PINX1: variants seen among roughly 807,000 people sequenced by gnomAD.
PINX1 encodes PIN2 (TERF1) interacting telomerase inhibitor 1.
Under a neutral mutation model 25.4 loss-of-function variants are expected in PINX1, and 34 were observed. The observed-to-expected ratio is 1.34, with a 90% CI of 1.02 to 1.78. The LOEUF is 1.78. Ranked by LOEUF, PINX1 falls within the 40% of genes most tolerant of loss-of-function variation. The pLI is 0.00. For synonymous variants in PINX1, 197 were observed against 147.7 expected (o/e 1.33, Z -2.42); for missense variants, 592 against 404.9 (o/e 1.46, Z -3.97).
At chr8:10,825,662 T>G (rs1037197880) in intron 5 of PINX1, among the ~76,000 whole-genome samples, 2 of 152,164 alleles carry the variant, frequency 1.3e-5, no homozygotes, top group African/African-American at 2.4e-5. Flanking sequence ...GCCTACGCTG[T>G]GAAATGGAGA....
intron 6 of PINX1, among the ~76,000 whole-genome samples, chr8:10,810,163 T>C (rs7836833): frequency 0.37 from 56,393 of 152,016 alleles, 11,135 homozygotes; most frequent in African/African-American, 0.51. Flanking sequence ...TCCCACCAGG[T>C]CACACCTCCG....
chr8:10,799,624 T>A (rs766351528), intron 6 of PINX1, among the ~76,000 whole-genome samples: 3 of 152,176 alleles, frequency 2.0e-5, no homozygotes, highest in Non-Finnish European at 4.4e-5. Context: ...TCAGACCACA[T>A]TGGTGACCAC....
intron 6 of PINX1, among the ~76,000 whole-genome samples, chr8:10,808,939 A>G (rs1724542241): frequency 6.6e-6 from 1 of 152,270 alleles, no homozygotes; most frequent in Non-Finnish European, 1.5e-5. Flanking sequence ...CTGTAGTTAA[A>G]AAATGACTAA....
chr8:10,783,562 C>T (rs1801658359), intron 6 of PINX1, among the ~76,000 whole-genome samples: 1 of 152,218 alleles, frequency 6.6e-6, no homozygotes, highest in Non-Finnish European at 1.5e-5. Context: ...AGCGCTGCAT[C>T]ACATATGCCC....
In PINX1 at chr8:10,820,175, CTG is replaced by C; in HGVS notation, c.471+16_471+17del. The C allele has an allele frequency of 6.6e-7, 1 of 1,516,324 alleles. No homozygotes were observed. The highest frequency in any genetic ancestry group is 1.4e-5 in the African/African-American group (1 of 73,100). 93.9% of individuals were successfully genotyped at this position (1,516,324 alleles called of 1,614,324 possible). A position where few individuals can be genotyped will look rare whatever the true frequency, so the allele number is the denominator to read the frequency against. On this transcript the variant is annotated intron_variant, in intron 6 of 6. Coordinates refer to ENST00000314787, the MANE Select transcript of PINX1 (RefSeq NM_017884.6). ...ACAGTATTAAAGCGGAACACGGAAA[CTG>C]TACGTGGCTTTATACCTCGGGAGTC...
rs551325574 is a variant in PINX1 at position 10,773,494 on chromosome 8, C to T, written c.472-7578G>A. Among the ~76,000 whole-genome samples, 21 of 152,264 alleles carry T rather than the reference C, an allele frequency of 1.4e-4. 1 individual carries two copies. The South Asian group carries it at 3.5e-3, about 26-fold the overall frequency. On this transcript the variant is annotated intron_variant, in intron 6 of 6. Coordinates refer to ENST00000314787, the MANE Select transcript of PINX1 (RefSeq NM_017884.6). ...TTTCTAATATCAGGCATCAGAACTC[C>T]GCTTGGAAGTTACAAACTCAGACAC...
At chr8:10,768,638 C>T (rs987049675) in intron 6 of PINX1, among the ~76,000 whole-genome samples, 39 of 152,234 alleles carry the variant, frequency 2.6e-4, no homozygotes, top group Middle Eastern at 3.4e-3. Flanking sequence ...CTGCTTAATG[C>T]GGGGGTAGCC....
intron 6 of PINX1, among the ~76,000 whole-genome samples, chr8:10,803,631 T>G (rs926779065): frequency 6.6e-6 from 1 of 152,240 alleles, no homozygotes; most frequent in African/African-American, 2.4e-5. Context: ...TGAAAAATAC[T>G]TCTAGAGATT....
In PINX1 at chr8:10,826,173, G is replaced by A. The variant is rs1798031410; in HGVS notation, c.373C>T (p.His125Tyr). ...TTACCTTTTGTGAATTTCATATAGT[G>A]AACACGGTTTTTGGAGATTTTGGAC... ...EKSKISKNRV[H>Y]YMKFTKGKDL... The change falls in exon 5 of 7, where the codon CAC becomes TAC. Residue 125 changes from histidine (H) to tyrosine (Y), a missense_variant. His to Tyr is a moderately conservative substitution (Grantham distance 83). Transcript: ENST00000314787. The A allele has an allele frequency of 3.8e-6, 6 of 1,576,572 alleles. No individual in the cohort carries two copies. Among genetic ancestry groups the A allele is most frequent in the African/African-American group, 1.3e-5 (1 of 74,132 alleles).
rs371441154 is a variant in PINX1 at position 10,834,665 on chromosome 8, C to T, written c.129+1G>A. 1.1e-4 allele frequency: 174 copies of T among 1,612,464 alleles called. No individual in the cohort carries two copies. Among genetic ancestry groups the T allele is most frequent in the Non-Finnish European group, 1.3e-4 (155 of 1,179,346 alleles). On this transcript the variant is annotated splice_donor_variant, in intron 2 of 6. Coordinates refer to ENST00000314787, the MANE Select transcript of PINX1 (RefSeq NM_017884.6). LOFTEE classifies it high-confidence loss of function. Reference sequence around the variant, plus strand: ...TTTTTTTCCGCTTTTCTCCAAAATACCTTTCCTTTAGACCACCCCATCTTC... The same window carrying T: ...TTTTTTTCCGCTTTTCTCCAAAATATCTTTCCTTTAGACCACCCCATCTTC...
intron 6 of PINX1, among the ~76,000 whole-genome samples, chr8:10,792,714 G>A (rs1457786434): frequency 1.3e-5 from 2 of 152,182 alleles, no homozygotes; most frequent in East Asian, 3.9e-4. Flanking sequence ...TGTATCTATA[G>A]GTGACTGTAA....
In PINX1 at chr8:10,776,052, A is replaced by T. The variant is rs545230434; in HGVS notation, c.472-10136T>A. On this transcript the variant is annotated intron_variant, in intron 6 of 6. Coordinates refer to ENST00000314787, the MANE Select transcript of PINX1 (RefSeq NM_017884.6). ...ATCAACAGCTACATTTTTAAGGTCC[A>T]TCACAATTCTAGCATTCATTATAGC... 2.0e-5 allele frequency among the ~76,000 whole-genome samples: 3 copies of T among 152,310 alleles called. No individual in the cohort carries two copies. In the East Asian group the frequency reaches 5.8e-4, roughly 29 times the overall value.
intron 6 of PINX1, among the ~76,000 whole-genome samples, chr8:10,792,193 A>G (rs1586158162): frequency 6.6e-6 from 1 of 151,348 alleles, no homozygotes; most frequent in Non-Finnish European, 1.5e-5. Flanking sequence ...CTCTCCCTGC[A>G]CTCTCCGCGC....
chr8:10,765,995 C>T (rs543961948), intron 6 of PINX1, 79 bp from the exon 7 acceptor site: 14 of 1,418,054 alleles, frequency 9.9e-6, no homozygotes, highest in African/African-American at 4.3e-5. Context: ...CACCCACACC[C>T]GGCGCTCACA....
At chr8:10,827,393 G>A (rs1017416492) in intron 4 of PINX1, among the ~76,000 whole-genome samples, 1 of 152,206 alleles carries the variant, frequency 6.6e-6, no homozygotes, top group Middle Eastern at 3.4e-3. Context: ...TGACGGAAGG[G>A]AAAATGTGAG....
chr8:10,772,874 T>C (rs906142765), intron 6 of PINX1, among the ~76,000 whole-genome samples: 1 of 152,124 alleles, frequency 6.6e-6, no homozygotes, highest in Non-Finnish European at 1.5e-5. Flanking sequence ...TTCCAGAGGG[T>C]TCTCTCTAGA....
In PINX1 at chr8:10,765,727, C is replaced by T. The variant is rs749196707; in HGVS notation, c.661G>A (p.Gly221Ser). 2 of 1,613,964 alleles carry T rather than the reference C, an allele frequency of 1.2e-6. No individual in the cohort carries two copies. Among genetic ancestry groups the T allele is most frequent in the Admixed American group, 3.3e-5 (2 of 60,028 alleles). ...TGGAGGTAACTTTCCACATCTTTACCTGTGGCCTCTTTATTTCTTTTCTTC... is the reference window on the plus strand; with the variant it reads ...TGGAGGTAACTTTCCACATCTTTACTTGTGGCCTCTTTATTTCTTTTCTTC... ...RGKKRNKEATGKDVESYLQPK... is the reference protein window; with the variant it reads ...RGKKRNKEATSKDVESYLQPK... Residue 221 changes from glycine (G) to serine (S), a missense_variant, in exon 7 of 7, where the codon GGT becomes AGT. Gly to Ser is a moderately conservative substitution (Grantham distance 56, BLOSUM62 0). Transcript: ENST00000314787.
chr8:10,790,237 C>T (rs900695231), intron 6 of PINX1, among the ~76,000 whole-genome samples: 1 of 152,160 alleles, frequency 6.6e-6, no homozygotes, highest in African/African-American at 2.4e-5. Context: ...AGTCTTCCAG[C>T]ACAGCAAATG....
chr8:10,835,775 A>C (rs954015366), intron 1 of PINX1, among the ~76,000 whole-genome samples: 1 of 152,196 alleles, frequency 6.6e-6, no homozygotes, highest in Non-Finnish European at 1.5e-5. Context: ...TGGAAAGAGG[A>C]AGAAAGGAGG....
Sources: allele counts gnomAD v4.1 joint callset (sites outside exome capture counted in the v4.1 genomes callset), GRCh38; gene constraint gnomAD v4.1.1; transcripts MANE v1.5; gene names NCBI Gene and HGNC (gene_info 2026-07-23, HGNC 2026-07-21).